DPM1: variants seen among roughly 807,000 people sequenced by gnomAD.
The protein encoded by DPM1 is dolichol-phosphate mannosyltransferase subunit 1.
DPM1 carries 27 observed loss-of-function variants against 39.0 expected under a neutral mutation model. The observed-to-expected ratio is 0.69, with a 90% CI of 0.51 to 0.95. The LOEUF (loss-of-function observed/expected upper bound fraction) is 0.95, where lower values mean the gene tolerates loss of function less well. Ranked by LOEUF, DPM1 falls within the 40% of genes least tolerant of loss-of-function variation. The pLI is 0.00. For missense variants in DPM1, 307 were observed against 315.6 expected (o/e 0.97, Z 0.21); for synonymous variants, 124 against 109.0 (o/e 1.14, Z -0.86).
chr20:50,958,379 T>A lies in DPM1; in HGVS notation c.145A>T (p.Lys49Ter). 3.7e-6 allele frequency: 6 copies of A among 1,613,864 alleles called. No individual in the cohort carries two copies. The highest frequency in any genetic ancestry group is 5.1e-6 in the Non-Finnish European group (6 of 1,180,018). ...GTGCGCTACCTCTCGGAGAAGCTTTTCACCAGCAGCCACACGATGAGCGGC... is the reference window on the plus strand; with the variant it reads ...GTGCGCTACCTCTCGGAGAAGCTTTACACCAGCAGCCACACGATGAGCGGC... ...NLPLIVWLLV[K>*]SFSESGINYE... Residue 49 changes from lysine to a stop codon, truncating the protein, a stop_gained, in exon 1 of 9, where the codon AAA (lysine) becomes TAA (stop). Transcript: ENST00000371588. LOFTEE classifies it high-confidence loss of function.
chr20:50,957,648 C>T (rs2123151641), intron 1 of DPM1, among the ~76,000 whole-genome samples: 1 of 152,300 alleles, frequency 6.6e-6, no homozygotes, highest in South Asian at 2.1e-4. Context: ...TACCTAACTT[C>T]CAAAGTAATT....
Position 50,955,183 on chromosome 20 carries a change from T to C in DPM1, c.261+3A>G, listed in dbSNP as rs776267890. 4 of 1,605,448 alleles carry C rather than the reference T, an allele frequency of 2.5e-6. No homozygotes were observed. Among genetic ancestry groups the C allele is most frequent in the Non-Finnish European group, 3.4e-6 (4 of 1,173,218 alleles). ...ATCACAGAAAAATGTTCTTATAACT[T>C]ACAATTCTGTCTGACCCATAGATCT... On this transcript the variant is annotated splice_donor_region_variant and intron_variant, in intron 2 of 8. Coordinates refer to ENST00000371588, the MANE Select transcript of DPM1 (RefSeq NM_003859.3).
chr20:50,946,215 T>C (rs1986274573), intron 3 of DPM1, among the ~76,000 whole-genome samples: 1 of 152,254 alleles, frequency 6.6e-6, no homozygotes, highest in South Asian at 2.1e-4. Flanking sequence ...TAAGATTATG[T>C]AGCACAATTA....
At chr20:50,953,314 AT>A (rs1986674130) in intron 2 of DPM1, among the ~76,000 whole-genome samples, 1 of 152,198 alleles carries the variant, frequency 6.6e-6, no homozygotes, top group Non-Finnish European at 1.5e-5. Flanking sequence ...CACCTACAGA[AT>A]TTTTAAAAAT....
At chr20:50,952,613 A>G (rs920918288) in intron 2 of DPM1, among the ~76,000 whole-genome samples, 2 of 151,906 alleles carry the variant, frequency 1.3e-5, no homozygotes, top group African/African-American at 4.8e-5. Flanking sequence ...GAGGCTCAGT[A>G]TTTTTTTCTT....
chr20:50,935,856 G>C (rs1041348062), intron 8 of DPM1, among the ~76,000 whole-genome samples: 4 of 152,148 alleles, frequency 2.6e-5, no homozygotes, highest in Admixed American at 2.6e-4. Flanking sequence ...AAAAGGAAAA[G>C]AAGCAAAGAG....
At chr20:50,944,847 T>C (rs1986166065) in intron 5 of DPM1, 2 of 152,240 alleles carry the variant, frequency 1.3e-5, no homozygotes, top group South Asian at 4.1e-4. Context: ...TATTAACATT[T>C]CCATGTTTAA....
chr20:50,955,156 A>G, intron 2 of DPM1, 30 bp downstream of exon 2: 1 of 1,477,374 alleles, frequency 6.8e-7, no homozygotes, highest in African/African-American at 1.4e-5. Flanking sequence ...ATCACAATTC[A>G]TATCACAGAA....
Position 50,940,904 on chromosome 20 carries a change from A to C in DPM1, c.524T>G (p.Leu175Trp). The change falls in exon 7 of 9, where the codon TTG becomes TGG. Residue 175 changes from leucine (L) to tryptophan (W), a missense_variant. Leu to Trp is a moderately conservative substitution (Grantham distance 61). This residue lies in a region of DPM1 where 31 missense variants were observed against 58.0 expected (regional missense o/e 0.53). Coordinates refer to ENST00000371588, the MANE Select transcript of DPM1 (RefSeq NM_003859.3). ...SRGANFLTQI[L>W]LRPGASDLTG... ...TAAATCAGATGCTCCTGGTCTCAGC[A>C]AGATCTGAGTTAAAAAATTGGCCCC... 1 of 1,614,074 alleles carries C rather than the reference A, an allele frequency of 6.2e-7. No homozygotes were observed. The highest frequency in any genetic ancestry group is 1.1e-5 in the South Asian group (1 of 91,064).
intron 7 of DPM1, among the ~76,000 whole-genome samples, chr20:50,938,230 A>C (rs934127602): frequency 1.3e-5 from 2 of 152,170 alleles, no homozygotes; most frequent in African/African-American, 4.8e-5. Context: ...TAGCCTTTCC[A>C]GGATTCCTTT....
At chr20:50,947,088 A>G (rs762418421) in intron 3 of DPM1, among the ~76,000 whole-genome samples, 32 of 152,228 alleles carry the variant, frequency 2.1e-4, no homozygotes, top group Non-Finnish European at 3.4e-4. Flanking sequence ...CATGCCTACA[A>G]TCCCAGCTAC....
chr20:50,951,776 A>C (rs1471077340), intron 2 of DPM1, among the ~76,000 whole-genome samples: 1 of 151,934 alleles, frequency 6.6e-6, no homozygotes, highest in African/African-American at 2.4e-5. Context: ...CGACAGAGCG[A>C]GACTCCAATC....
intron 1 of DPM1, among the ~76,000 whole-genome samples, chr20:50,956,531 G>GAAAAAAAAAAAAA (rs56159089): frequency 3.0e-5 from 3 of 100,388 alleles, no homozygotes; most frequent in Non-Finnish European, 4.2e-5. Context: ...GTCTCCAAAA[G>GAAAAAAAAAAAAA]AAAAAAAAAA....
chr20:50,946,483 C>T (rs1038130683), intron 3 of DPM1, among the ~76,000 whole-genome samples: 4 of 152,242 alleles, frequency 2.6e-5, no homozygotes, highest in Non-Finnish European at 5.9e-5. Flanking sequence ...TGCCTTTAAC[C>T]ATAACTTCTA....
chr20:50,946,076 G>C (rs1986266516), intron 3 of DPM1, among the ~76,000 whole-genome samples, 153 bp from the exon 4 acceptor site: 1 of 152,144 alleles, frequency 6.6e-6, no homozygotes, highest in Admixed American at 6.5e-5. Flanking sequence ...AAGTACATAA[G>C]TTCATGTATA....
At chr20:50,953,010 A>G (rs1217263188) in intron 2 of DPM1, among the ~76,000 whole-genome samples, 1 of 152,210 alleles carries the variant, frequency 6.6e-6, no homozygotes, top group Admixed American at 6.5e-5. Flanking sequence ...CATTCCCCAA[A>G]TGTGGTATTC....
intron 7 of DPM1, among the ~76,000 whole-genome samples, chr20:50,938,544 G>A (rs1338538540): frequency 4.0e-5 from 6 of 150,800 alleles, no homozygotes; most frequent in African/African-American, 1.2e-4. Context: ...CACCACGCCC[G>A]GCTAATTTTT....
intron 7 of DPM1, among the ~76,000 whole-genome samples, chr20:50,937,241 T>G (rs1985262724): frequency 6.6e-6 from 1 of 152,146 alleles, no homozygotes; most frequent in Non-Finnish European, 1.5e-5. Context: ...CTCAGACTTC[T>G]AAGGCGACCT....
intron 2 of DPM1, among the ~76,000 whole-genome samples, chr20:50,950,871 AAAACAAAC>A (rs138746394): frequency 0.011 from 1,723 of 151,870 alleles, 24 homozygotes; most frequent in African/African-American, 0.034. Flanking sequence ...TCCGTCTCAA[AAAACAAAC>A]AAACAAACAA....
Sources: allele counts gnomAD v4.1 joint callset (sites outside exome capture counted in the v4.1 genomes callset), GRCh38; gene constraint gnomAD v4.1.1; regional missense constraint gnomAD v4.1.1; transcripts MANE v1.5; gene names NCBI Gene and HGNC (gene_info 2026-07-23, HGNC 2026-07-21).